The following SLC44A5 variants were observed in gnomAD, a reference collection of about 807,000 sequenced individuals.
The protein encoded by SLC44A5 is solute carrier family 44 member 5.
Under a neutral mutation model 101.8 loss-of-function variants are expected in SLC44A5, and 57 were observed. The observed-to-expected ratio is 0.56, with a 90% CI of 0.45 to 0.70. SLC44A5 has a LOEUF of 0.70. SLC44A5 is among the 30% of genes least tolerant of loss of function. The pLI is 0.00. For synonymous variants in SLC44A5, 281 were observed against 290.9 expected, an observed-to-expected ratio of 0.97 and a Z score of 0.35; for missense variants, 737 against 853.1, an observed-to-expected ratio of 0.86 and a Z score of 1.70.
At chr1:75,687,360 G>A in the SLC44A5 span, among the ~76,000 whole-genome samples, 2,392 of 152,236 alleles carry the variant, frequency 0.016, 73 homozygotes, top group African/African-American at 0.053. Flanking sequence ...CTGGAGTGCA[G>A]TGGCACAATC....
At chr1:75,617,392 T>C in the SLC44A5 span, among the ~76,000 whole-genome samples, 1 of 152,140 alleles carries the variant, frequency 6.6e-6, no homozygotes, top group African/African-American at 2.4e-5. Flanking sequence ...AAAACCCCAA[T>C]TGTGAATTCT....
the SLC44A5 span, among the ~76,000 whole-genome samples, chr1:75,628,893 C>G: frequency 1.3e-5 from 2 of 152,004 alleles, no homozygotes; most frequent in African/African-American, 4.8e-5. Context: ...TATGAGTAAC[C>G]CTTAGAGGAG....
intron 3 of SLC44A5, among the ~76,000 whole-genome samples, chr1:75,391,966 C>A (rs1309092189): frequency 6.6e-6 from 1 of 152,068 alleles, no homozygotes; most frequent in African/African-American, 2.4e-5. Context: ...CCAGCCTGGG[C>A]AACATAGTGA....
At chr1:75,608,552 G>T (rs866218343) in intron 1 of SLC44A5, among the ~76,000 whole-genome samples, 1 of 151,898 alleles carries the variant, frequency 6.6e-6, no homozygotes, top group Non-Finnish European at 1.5e-5. Context: ...ATCTGAACTG[G>T]TGCCACATTT....
chr1:75,351,679 T>C (rs1237788787), intron 3 of SLC44A5, among the ~76,000 whole-genome samples: 3 of 151,934 alleles, frequency 2.0e-5, no homozygotes, highest in Non-Finnish European at 2.9e-5. Context: ...TACCCGACTC[T>C]ACAAAGATGT....
intron 2 of SLC44A5, among the ~76,000 whole-genome samples, chr1:75,537,745 ATG>A (rs1490629424): frequency 6.6e-6 from 1 of 152,230 alleles, no homozygotes; most frequent in Non-Finnish European, 1.5e-5. Flanking sequence ...CTTTGGCATG[ATG>A]TATATAAAGA....
intron 2 of SLC44A5, among the ~76,000 whole-genome samples, chr1:75,510,443 T>C (rs1313233246): frequency 6.6e-6 from 1 of 152,050 alleles, no homozygotes. Flanking sequence ...GACAGAGCAG[T>C]GATATGGGTA....
the SLC44A5 span, among the ~76,000 whole-genome samples, chr1:75,702,712 C>T: frequency 1.3e-5 from 2 of 152,198 alleles, no homozygotes; most frequent in South Asian, 4.1e-4. Flanking sequence ...TACCATCAGA[C>T]TGAACAGGCC....
chr1:75,647,066 C>T, the SLC44A5 span, among the ~76,000 whole-genome samples: 38,544 of 152,124 alleles, frequency 0.25, 5,279 homozygotes, highest in Middle Eastern at 0.37. Flanking sequence ...CACAGTAATC[C>T]CTCCCATCAC....
At chr1:75,641,830 T>C in the SLC44A5 span, 1 of 1,502,144 alleles carries the variant, frequency 6.7e-7, no homozygotes, top group Non-Finnish European at 9.3e-7. Flanking sequence ...TTTCCACTGG[T>C]TCCCTCAAAA....
At chr1:75,546,691 C>A (rs1394177279) in intron 1 of SLC44A5, among the ~76,000 whole-genome samples, 2 of 152,154 alleles carry the variant, frequency 1.3e-5, no homozygotes, top group Non-Finnish European at 2.9e-5. Context: ...CCACAAACTT[C>A]TAACTAAAAT....
the SLC44A5 span, among the ~76,000 whole-genome samples, chr1:75,702,087 G>A: frequency 6.6e-6 from 1 of 152,048 alleles, no homozygotes; most frequent in African/African-American, 2.4e-5. Context: ...ACTGCCCAAG[G>A]TAATTTATAG....
At chr1:75,282,875 A>G (rs1652720672) in intron 5 of SLC44A5, among the ~76,000 whole-genome samples, 1 of 152,132 alleles carries the variant, frequency 6.6e-6, no homozygotes, top group Admixed American at 6.5e-5. Flanking sequence ...CCCTTTATAA[A>G]TTACCCAGTC....
chr1:75,461,504 C>T (rs1195927902), intron 2 of SLC44A5, among the ~76,000 whole-genome samples: 1 of 152,084 alleles, frequency 6.6e-6, no homozygotes, highest in African/African-American at 2.4e-5. Flanking sequence ...TTGAGGATCC[C>T]ATTTGTCCAA....
At chr1:75,276,058 T>C (rs546171442) in intron 5 of SLC44A5, among the ~76,000 whole-genome samples, 7 of 152,302 alleles carry the variant, frequency 4.6e-5, no homozygotes, top group Admixed American at 2.6e-4. Context: ...AATTTCAATA[T>C]GGAAGAAAAT....
chr1:75,295,792 C>T (rs1007723687), intron 5 of SLC44A5, among the ~76,000 whole-genome samples: 2 of 152,124 alleles, frequency 1.3e-5, no homozygotes, highest in African/African-American at 4.8e-5. Context: ...CAGAACAATA[C>T]AAAGTCTCTA....
intron 14 of SLC44A5, 31 bp from the exon 15 acceptor site, chr1:75,219,923 T>C (rs781200392): frequency 7.0e-7 from 1 of 1,433,742 alleles, no homozygotes; most frequent in Admixed American, 1.8e-5. Flanking sequence ...GAAATTCAAT[T>C]GTTAAAACTA....
intron 13 of SLC44A5, 41 bp from the exon 14 acceptor site, chr1:75,222,501 G>T: frequency 7.8e-7 from 1 of 1,277,930 alleles, no homozygotes; most frequent in Non-Finnish European, 1.1e-6. Flanking sequence ...AATACAAGTA[G>T]ATACGGAAAC....
chr1:75,669,093 C>A, the SLC44A5 span, among the ~76,000 whole-genome samples: 2 of 151,598 alleles, frequency 1.3e-5, no homozygotes, highest in Non-Finnish European at 2.9e-5. Flanking sequence ...TTCAATTAAA[C>A]TTCCTATTCA....
Sources: gnomAD v4.1 joint callset for allele counts (sites outside exome capture counted in the v4.1 genomes callset) on GRCh38, gnomAD v4.1.1 for gene constraint, MANE v1.5 for transcripts, NCBI Gene and HGNC (gene_info 2026-07-23, HGNC 2026-07-21) for gene names.